Variants in CDC73 observed in about 807,000 individuals in gnomAD.
The protein encoded by CDC73 is cell division cycle 73, also known as parafibromin.
CDC73 carries 21 observed loss-of-function variants against 83.7 expected under a neutral mutation model. The observed-to-expected ratio is 0.25, with a 90% CI of 0.18 to 0.36. The LOEUF (loss-of-function observed/expected upper bound fraction) is 0.36. Ranked by LOEUF, CDC73 falls within the 10% of genes least tolerant of loss-of-function variation. The pLI, the probability that CDC73 is intolerant of heterozygous loss-of-function variation, is 1.00. For missense variants in CDC73, 342 were observed against 653.3 expected, an observed-to-expected ratio of 0.52 and a Z score of 5.19; for synonymous variants, 224 against 212.9, an observed-to-expected ratio of 1.05 and a Z score of -0.45.
rs558385070 is a variant in CDC73 at position 193,137,965 on chromosome 1, G to A, written c.424-120G>A. 3.4e-5 allele frequency: 26 copies of A among 761,618 alleles called. No individual in the cohort carries two copies. The African/African-American group carries it at 4.3e-4, about 13-fold the overall frequency. 47.2% of individuals were successfully genotyped at this position (761,618 alleles called of 1,614,324 possible). On this transcript the variant is annotated intron_variant, in intron 5 of 16. Coordinates refer to ENST00000367435, the MANE Select transcript of CDC73 (RefSeq NM_024529.5). ...AAAGTAGTCTTGAAGTTGGCCTAAA[G>A]ACACTGATACCTAGAATTGTAGAGG...
intron 10 of CDC73, among the ~76,000 whole-genome samples, chr1:193,199,959 T>G (rs1277218506): frequency 6.6e-6 from 1 of 151,692 alleles, no homozygotes. Context: ...ATAAAAACTT[T>G]CAGGCCAAGC....
At chr1:193,131,586 C>T (rs1675694205) in intron 3 of CDC73, among the ~76,000 whole-genome samples, 1 of 152,198 alleles carries the variant, frequency 6.6e-6, no homozygotes, top group Non-Finnish European at 1.5e-5. Context: ...GTTACCCTGG[C>T]AGTCATCTTG....
intron 10 of CDC73, among the ~76,000 whole-genome samples, chr1:193,173,639 T>C (rs1363695000): frequency 6.6e-6 from 1 of 152,222 alleles, no homozygotes; most frequent in Admixed American, 6.5e-5. Flanking sequence ...ATCTCAAGTA[T>C]CTTTTGCTGT....
chr1:193,216,456 A>G (rs1164381254), intron 13 of CDC73, among the ~76,000 whole-genome samples: 1 of 152,118 alleles, frequency 6.6e-6, no homozygotes, highest in Non-Finnish European at 1.5e-5. Context: ...AAAGAATCCT[A>G]CCAACCGGAA....
chr1:193,149,969 A>C (rs911623188), intron 8 of CDC73, among the ~76,000 whole-genome samples: 2 of 152,140 alleles, frequency 1.3e-5, no homozygotes, highest in East Asian at 3.8e-4. Flanking sequence ...ATTGCAGGGA[A>C]GAGTATTATG....
At chr1:193,144,606 T>C (rs1675963668) in intron 7 of CDC73, among the ~76,000 whole-genome samples, 1 of 152,210 alleles carries the variant, frequency 6.6e-6, no homozygotes, top group Admixed American at 6.5e-5. Context: ...ATGTCCTTGA[T>C]GACGTTTTTA....
chr1:193,235,812 C>T (rs12072121), intron 14 of CDC73, among the ~76,000 whole-genome samples: 3,096 of 152,150 alleles, frequency 0.02, 61 homozygotes, highest in East Asian at 0.048. Context: ...TGATGAGTTC[C>T]TATAATGTAA....
intron 10 of CDC73, chr1:193,186,010 T>C (rs751377674): frequency 2.6e-5 from 4 of 152,336 alleles, no homozygotes; most frequent in Middle Eastern, 3.2e-3. Flanking sequence ...ACACAAGATA[T>C]TGACATACCT....
chr1:193,138,244 A>G (rs1356686630), intron 6 of CDC73, 71 bp downstream of exon 6: 1 of 1,007,254 alleles, frequency 9.9e-7, no homozygotes, highest in Non-Finnish European at 1.6e-6. Context: ...AGGAATATTA[A>G]AATGCTCTCC....
intron 13 of CDC73, among the ~76,000 whole-genome samples, chr1:193,219,326 A>G (rs948845697): frequency 2.6e-5 from 4 of 152,240 alleles, no homozygotes; most frequent in African/African-American, 9.6e-5. Context: ...CATGGAAAGC[A>G]GTTTGCAGAT....
intron 10 of CDC73, among the ~76,000 whole-genome samples, chr1:193,185,018 A>G (rs937067384): frequency 1.7e-4 from 26 of 152,004 alleles, no homozygotes; most frequent in Non-Finnish European, 3.2e-4. Context: ...GATTGTTGCT[A>G]AAATAGTTTA....
At chr1:193,233,778 A>C (rs1371090494) in intron 14 of CDC73, among the ~76,000 whole-genome samples, 1 of 152,190 alleles carries the variant, frequency 6.6e-6, no homozygotes, top group Non-Finnish European at 1.5e-5. Flanking sequence ...TAATAAAAAT[A>C]GGAATAGCTC....
chr1:193,141,779 G>A (rs933896009), intron 6 of CDC73, 71 bp from the exon 7 acceptor site: 74 of 1,013,716 alleles, frequency 7.3e-5, no homozygotes, highest in Non-Finnish European at 1.0e-4. Context: ...ATTTATAAAT[G>A]TAACAAAATA....
chr1:193,153,414 G>T (rs143373142), intron 10 of CDC73, among the ~76,000 whole-genome samples: 66 of 152,218 alleles, frequency 4.3e-4, no homozygotes, highest in African/African-American at 1.3e-3. Flanking sequence ...CTATGCATGT[G>T]TATTAAATAG....
intron 7 of CDC73, among the ~76,000 whole-genome samples, chr1:193,147,130 C>T (rs1046806295): frequency 1.3e-5 from 2 of 151,728 alleles, no homozygotes; most frequent in South Asian, 4.1e-4. Context: ...GTAGCTGACA[C>T]TATAGGTGTC....
At chr1:193,151,669 TC>T (rs1389757858) in intron 9 of CDC73, among the ~76,000 whole-genome samples, 1 of 152,222 alleles carries the variant, frequency 6.6e-6, no homozygotes, top group Admixed American at 6.5e-5. Flanking sequence ...ACACCTGTAA[TC>T]CCAGCACTTT....
chr1:193,241,662 G>A (rs1441542409), intron 15 of CDC73, among the ~76,000 whole-genome samples: 1 of 152,226 alleles, frequency 6.6e-6, no homozygotes, highest in Non-Finnish European at 1.5e-5. Context: ...GTGGGTAACA[G>A]TTGTGGTGGT....
chr1:193,179,797 A>G (rs1676679700), intron 10 of CDC73: 1 of 152,626 alleles, frequency 6.6e-6, no homozygotes, highest in African/African-American at 2.4e-5. Flanking sequence ...GAATAACTCA[A>G]CTAAATCTTA....
At chr1:193,235,593 G>C (rs2102061171) in intron 14 of CDC73, among the ~76,000 whole-genome samples, 1 of 152,142 alleles carries the variant, frequency 6.6e-6, no homozygotes, top group Non-Finnish European at 1.5e-5. Context: ...TGAAATTTGA[G>C]GGCCTACAAA....
Sources: allele counts gnomAD v4.1 joint callset (sites outside exome capture counted in the v4.1 genomes callset), GRCh38; gene constraint gnomAD v4.1.1; transcripts MANE v1.5; gene names NCBI Gene and HGNC (gene_info 2026-07-23, HGNC 2026-07-21).